Variants in SLC9A9 observed in about 807,000 individuals in gnomAD.
The protein encoded by SLC9A9 is sodium/hydrogen exchanger 9.
A neutral mutation model predicts 77.8 loss-of-function variants in SLC9A9; 62 were observed. The observed-to-expected ratio is 0.80, with a 90% CI of 0.65 to 0.98. SLC9A9 has a LOEUF of 0.98. Among genes scored for constraint, SLC9A9 ranks in the 50% least tolerant of loss-of-function variants. The pLI is 0.00. For missense variants in SLC9A9, 775 were observed against 774.9 expected (o/e 1.00, Z 0.00); for synonymous variants, 320 against 283.5 (o/e 1.13, Z -1.29).
chr3:143,836,321 G>T lies in SLC9A9; in HGVS notation c.176-4100C>A, dbSNP rs1348216674. Among the ~76,000 whole-genome samples, 5 of 152,168 alleles carry T rather than the reference G, an allele frequency of 3.3e-5. No homozygotes were observed. The East Asian group carries it at 7.7e-4, about 23-fold the overall frequency. ...CAACCAGACAATGAGACTGTTTAGGGCAGAGGCTCTGTGCTATTCTTTATC... is the reference window on the plus strand; with the variant it reads ...CAACCAGACAATGAGACTGTTTAGGTCAGAGGCTCTGTGCTATTCTTTATC... On this transcript the variant is annotated intron_variant, in intron 1 of 15. Transcript: ENST00000316549.
chr3:143,786,299 T>C (rs1423035369), intron 4 of SLC9A9, among the ~76,000 whole-genome samples: 2 of 152,232 alleles, frequency 1.3e-5, no homozygotes, highest in Non-Finnish European at 2.9e-5. Context: ...TTATTAGGCA[T>C]TTTTCTTTTT....
intron 7 of SLC9A9, among the ~76,000 whole-genome samples, chr3:143,575,562 G>C (rs555701754): frequency 6.6e-6 from 1 of 152,186 alleles, no homozygotes; most frequent in East Asian, 1.9e-4. Flanking sequence ...TAAGGATCTG[G>C]AAGCAATTCT....
intron 12 of SLC9A9, among the ~76,000 whole-genome samples, chr3:143,466,437 T>G (rs1338351950): frequency 1.3e-5 from 2 of 152,228 alleles, no homozygotes; most frequent in Non-Finnish European, 2.9e-5. Flanking sequence ...CCTCCCATAC[T>G]TCAGGTTTAT....
chr3:143,523,326 T>C (rs960226016), intron 9 of SLC9A9, among the ~76,000 whole-genome samples: 1 of 152,154 alleles, frequency 6.6e-6, no homozygotes, highest in Non-Finnish European at 1.5e-5. Context: ...AAAATCTGTA[T>C]AGAAATAGCT....
chr3:143,655,709 CACAA>C (rs773358402), intron 5 of SLC9A9: 1 of 767,696 alleles, frequency 1.3e-6, no homozygotes, highest in Non-Finnish European at 1.6e-6. Context: ...CACACACACA[CACAA>C]ACACACCCCT....
intron 12 of SLC9A9, among the ~76,000 whole-genome samples, chr3:143,423,231 G>T (rs1247930264): frequency 2.2e-5 from 3 of 134,234 alleles, no homozygotes; most frequent in African/African-American, 8.3e-5. Context: ...ACACACACAC[G>T]TGTACACACG....
chr3:143,459,363 G>A (rs2108562916), intron 12 of SLC9A9, among the ~76,000 whole-genome samples: 1 of 152,262 alleles, frequency 6.6e-6, no homozygotes, highest in Non-Finnish European at 1.5e-5. Context: ...GATCTGGAAT[G>A]TTAAGTGACA....
chr3:143,360,765 G>A (rs907306747), intron 14 of SLC9A9, among the ~76,000 whole-genome samples: 1 of 152,124 alleles, frequency 6.6e-6, no homozygotes, highest in African/African-American at 2.4e-5. Context: ...TGAATATTAG[G>A]CATTAATTGA....
chr3:143,637,538 A>C (rs1423951955), intron 6 of SLC9A9, among the ~76,000 whole-genome samples: 1 of 152,200 alleles, frequency 6.6e-6, no homozygotes, highest in Non-Finnish European at 1.5e-5. Context: ...CCTGTTTTGT[A>C]GATATAATAG....
At chr3:143,381,320 T>G (rs1195432126) in intron 13 of SLC9A9, 2 of 152,492 alleles carry the variant, frequency 1.3e-5, no homozygotes, top group Non-Finnish European at 2.9e-5. Flanking sequence ...TCTCACTAGA[T>G]CTGATGGTTT....
intron 5 of SLC9A9, among the ~76,000 whole-genome samples, chr3:143,692,242 A>G (rs1933492923): frequency 6.6e-6 from 1 of 152,174 alleles, no homozygotes; most frequent in South Asian, 2.1e-4. Flanking sequence ...TAATCATATC[A>G]ATCCATTGTA....
chr3:143,788,861 TGACAA>T (rs535915181), intron 4 of SLC9A9, among the ~76,000 whole-genome samples: 101 of 151,978 alleles, frequency 6.6e-4, no homozygotes, highest in African/African-American at 2.3e-3. Flanking sequence ...AATGAAAATA[TGACAA>T]GACAACTCAA....
At position 143,265,684 on chromosome 3, in the gene SLC9A9, G is replaced by A. The variant is rs1299916735; in HGVS notation, c.*1018C>T. 12 of 406,076 alleles carry A rather than the reference G, an allele frequency of 3.0e-5. No homozygotes were observed. The highest frequency in any genetic ancestry group is 1.3e-5 in the Non-Finnish European group (3 of 231,580). The allele number at this position is 406,076 out of a possible 1,614,324, so 25.2% of individuals were successfully genotyped here. A position where few individuals can be genotyped will look rare whatever the true frequency, so the allele number is the denominator to read the frequency against. On this transcript the variant is annotated 3_prime_UTR_variant, in exon 16 of 16. Transcript: ENST00000316549. ...CTCTGGAATGCAGGCCATGAGCCAC[G>A]CCTTGTAAGGGGGAGACCTGAGGCC...
In SLC9A9 at chr3:143,498,845, G is replaced by T. The variant is rs558759365; in HGVS notation, c.1090-3397C>A. Among the ~76,000 whole-genome samples the T allele has an allele frequency of 5.3e-5, 8 of 152,118 alleles. No individual in the cohort carries two copies. The South Asian group carries it at 8.3e-4, about 16-fold the overall frequency. On this transcript the variant is annotated intron_variant, in intron 9 of 15. Coordinates refer to ENST00000316549, the MANE Select transcript of SLC9A9 (RefSeq NM_173653.4). The stretch of plus-strand genomic sequence containing the variant: ...ACATACCCTCGCATTTGTCATCTTT[G>T]ACTCAGCAATATGTTTGTGAGATTC...
In SLC9A9 at chr3:143,539,060, GA is replaced by G. The variant is rs1200433322; in HGVS notation, c.1089+13301del. Among the ~76,000 whole-genome samples, 7 of 152,162 alleles carry G rather than the reference GA, an allele frequency of 4.6e-5. No homozygotes were observed. The East Asian group carries it at 1.2e-3, about 25-fold the overall frequency. ...GCAGAGATTTTTTTTTTAACAGTTA[GA>G]ACCAGTGGAAAAATACAACAGTAAT... On this transcript the variant is annotated intron_variant, in intron 9 of 15. Transcript: ENST00000316549.
chr3:143,495,550 C>A, intron 9 of SLC9A9, 102 bp from the exon 10 acceptor site: 1 of 872,252 alleles, frequency 1.1e-6, no homozygotes, highest in Non-Finnish European at 1.9e-6. Context: ...TCTCCTTTAT[C>A]TGGAAGGCCA....
chr3:143,472,913 G>C (rs1225736044), intron 11 of SLC9A9, among the ~76,000 whole-genome samples: 1 of 152,006 alleles, frequency 6.6e-6, no homozygotes, highest in African/African-American at 2.4e-5. Flanking sequence ...TCTGCCCTCA[G>C]GCCTGCCCCA....
chr3:143,452,503 T>TAAAAAA (rs58038873), intron 12 of SLC9A9, among the ~76,000 whole-genome samples: 1 of 108,880 alleles, frequency 9.2e-6, no homozygotes, highest in Admixed American at 9.2e-5. Context: ...TTAAAAAGAC[T>TAAAAAA]AAAAAAAAAA....
At chr3:143,349,562 T>C (rs1482970979) in intron 14 of SLC9A9, among the ~76,000 whole-genome samples, 1 of 152,244 alleles carries the variant, frequency 6.6e-6, no homozygotes, top group African/African-American at 2.4e-5. Flanking sequence ...ATTATCATTG[T>C]CACTGTCCCC....
Sources: gnomAD v4.1 joint callset for allele counts (sites outside exome capture counted in the v4.1 genomes callset) on GRCh38, gnomAD v4.1.1 for gene constraint, MANE v1.5 for transcripts, NCBI Gene and HGNC (gene_info 2026-07-23, HGNC 2026-07-21) for gene names.